Variants in RIF1 observed in about 807,000 individuals in gnomAD.
RIF1 encodes telomere-associated protein RIF1.
RIF1 carries 45 observed loss-of-function variants against 247.1 expected under a neutral mutation model. The observed-to-expected ratio is 0.18, with a 90% CI of 0.14 to 0.23. RIF1 has a LOEUF of 0.23. RIF1 is among the 10% of genes least tolerant of loss of function. The probability of loss-of-function intolerance (pLI) is 1.00; values close to 1 mark genes in which losing one functional copy is unlikely to be tolerated. For missense variants in RIF1, 2,967 were observed against 2,862.5 expected (o/e 1.04, Z -0.83); for synonymous variants, 1,087 against 978.8 (o/e 1.11, Z -2.06).
chr2:151,521,053 C>T, the RIF1 span, among the ~76,000 whole-genome samples: 4 of 152,080 alleles, frequency 2.6e-5, no homozygotes, highest in Non-Finnish European at 5.9e-5. Flanking sequence ...TGTTAGCCAA[C>T]CAAAAGGGCA....
At chr2:151,492,198 C>T in intron 9 of RIF1, 1 of 1,613,876 alleles carries the variant, frequency 6.2e-7, no homozygotes, top group African/African-American at 1.3e-5. Flanking sequence ...CCTGCATGTT[C>T]TTCTTTACTC....
At chr2:151,517,404 ATAGT>A in the RIF1 span, among the ~76,000 whole-genome samples, 28 of 152,250 alleles carry the variant, frequency 1.8e-4, no homozygotes, top group African/African-American at 3.4e-4. Flanking sequence ...GACGTTTCTA[ATAGT>A]TAGTCCTCAT....
chr2:151,474,870 T>C lies in RIF1; in HGVS notation c.7218T>C (p.Pro2406=), dbSNP rs755144365. 21 of 1,545,786 alleles carry C rather than the reference T, an allele frequency of 1.4e-5. No individual in the cohort carries two copies. In the Admixed American group the frequency reaches 2.4e-4, roughly 17 times the overall value. ...EERLVSDIID[P]VALEIPLSKN... Reference sequence around the variant, plus strand: ...TTTCTCTTTTAGATATAATTGATCCTGTTGCTTTAGAAATTCCATTATCCA... The same window carrying C: ...TTTCTCTTTTAGATATAATTGATCCCGTTGCTTTAGAAATTCCATTATCCA... The change falls in exon 36 of 36, where the codon CCT becomes CCC. Residue 2406 remains proline (P), a synonymous_variant. Transcript: ENST00000444746.
At position 151,469,966 on chromosome 2, in the gene RIF1, T is replaced by C. The variant is rs1004586724; in HGVS notation, c.7095+102T>C. 11 of 794,638 alleles carry C rather than the reference T, an allele frequency of 1.4e-5. No homozygotes were observed. In the African/African-American group the frequency reaches 1.9e-4, roughly 14 times the overall value. The allele number at this position is 794,638 out of a possible 1,614,324, so 49.2% of individuals were successfully genotyped here. A position where few individuals can be genotyped will look rare whatever the true frequency, so the allele number is the denominator to read the frequency against. On this transcript the variant is annotated intron_variant, in intron 34 of 35. Coordinates refer to ENST00000444746, the MANE Select transcript of RIF1 (RefSeq NM_018151.5). ...TCACTTCATAATGGCACAGGGAAAT[T>C]GATTCATTTATTTTGTACTGTCTTT...
chr2:151,473,759 C>G (rs556646566), intron 34 of RIF1, among the ~76,000 whole-genome samples: 151 of 152,228 alleles, frequency 9.9e-4, no homozygotes, highest in Middle Eastern at 6.8e-3. Context: ...CTAACCCTCT[C>G]TTTGAGGAAA....
chr2:151,415,013 T>A, intron 4 of RIF1, 94 bp downstream of exon 4: 1 of 766,740 alleles, frequency 1.3e-6, no homozygotes, highest in Admixed American at 2.7e-5. Context: ...CTGTTATGTC[T>A]GGATTAGTTT....
intron 21 of RIF1, 41 bp downstream of exon 21, chr2:151,451,746 A>T (rs1229531596): frequency 9.5e-7 from 1 of 1,058,178 alleles, no homozygotes. Flanking sequence ...CCAGTATTTC[A>T]TAAGCAGTAC....
At chr2:151,497,503 T>C in intron 10 of RIF1, 1 of 1,490,492 alleles carries the variant, frequency 6.7e-7, no homozygotes, top group Non-Finnish European at 8.9e-7. Context: ...AGGATAAATT[T>C]GCTAAAGAAA....
intron 16 of RIF1, among the ~76,000 whole-genome samples, chr2:151,442,668 A>G (rs929750511): frequency 7.2e-5 from 11 of 151,990 alleles, no homozygotes; most frequent in African/African-American, 2.4e-4. Flanking sequence ...TTGGGATTCC[A>G]GTAAGTTTTA....
At chr2:151,448,296 A>G (rs559395131) in intron 20 of RIF1, among the ~76,000 whole-genome samples, 98 of 152,278 alleles carry the variant, frequency 6.4e-4, no homozygotes, top group Non-Finnish European at 1.2e-3. Flanking sequence ...AGCCCACCTC[A>G]GCCTTCCAAA....
chr2:151,490,392 C>G (rs1181657404), intron 9 of RIF1: 5 of 1,591,746 alleles, frequency 3.1e-6, no homozygotes, highest in Non-Finnish European at 3.4e-6. Context: ...TGCAAAGACA[C>G]CCCCGTCGCT....
chr2:151,514,409 A>C, the RIF1 span: 1 of 1,612,366 alleles, frequency 6.2e-7, no homozygotes, highest in East Asian at 2.2e-5. Context: ...GCTTTCCTCT[A>C]GATCTTTCCT....
intron 34 of RIF1, among the ~76,000 whole-genome samples, chr2:151,471,546 A>G (rs1490527330): frequency 6.6e-6 from 1 of 152,180 alleles, no homozygotes; most frequent in Non-Finnish European, 1.5e-5. Context: ...TAATTTTTGT[A>G]TAAGGTGTAA....
Position 151,443,545 on chromosome 2 carries a change from G to A in RIF1, c.1822G>A (p.Glu608Lys). 6.3e-7 allele frequency: 1 copy of A among 1,576,034 alleles called. No homozygotes were observed. Among genetic ancestry groups the A allele is most frequent in the Non-Finnish European group, 8.6e-7 (1 of 1,168,108 alleles). The change falls in exon 18 of 36, where the codon GAA becomes AAA. Residue 608 changes from glutamate to lysine, a missense_variant. Physicochemically the swap from Glu to Lys is moderately conservative, Grantham distance 56. Coordinates refer to ENST00000444746, the MANE Select transcript of RIF1 (RefSeq NM_018151.5). ...TTTGTTCAGGTTCTTTCTCAGTTTGGAATCACTTGTAGGCTGTGTTCTTTC... is the reference window on the plus strand; with the variant it reads ...TTTGTTCAGGTTCTTTCTCAGTTTGAAATCACTTGTAGGCTGTGTTCTTTC... ...VSDERFFLSL[E>K]SLVGCVLSGP... is the part of the protein sequence containing the mutation.
intron 9 of RIF1, among the ~76,000 whole-genome samples, chr2:151,488,876 A>G (rs1451872165): frequency 1.3e-5 from 2 of 152,002 alleles, no homozygotes; most frequent in African/African-American, 4.8e-5. Flanking sequence ...CTATTTTTGT[A>G]TCTATTGCCA....
At chr2:151,487,245 A>T (rs2051466218) in intron 9 of RIF1, among the ~76,000 whole-genome samples, 1 of 152,222 alleles carries the variant, frequency 6.6e-6, no homozygotes, top group Admixed American at 6.5e-5. Flanking sequence ...AGTTTCTCAA[A>T]GCTATCCTCC....
intron 11 of RIF1, among the ~76,000 whole-genome samples, chr2:151,501,882 G>GTT (rs2064904427): frequency 6.6e-6 from 1 of 152,190 alleles, no homozygotes; most frequent in East Asian, 1.9e-4. Context: ...AAGAATAAAT[G>GTT]TTGAAAGCTA....
At chr2:151,523,501 A>T in the RIF1 span, among the ~76,000 whole-genome samples, 1 of 152,234 alleles carries the variant, frequency 6.6e-6, no homozygotes, top group African/African-American at 2.4e-5. Context: ...AGAAGGTAGG[A>T]TCTGTAAATT....
rs1290206839 is a variant in RIF1, at chr2:151,437,123, T to C, written c.1373-118T>C. 8.2e-6 allele frequency: 10 copies of C among 1,219,186 alleles called. No homozygotes were observed. In the African/African-American group the frequency reaches 1.4e-4, roughly 17 times the overall value. 75.5% of individuals were successfully genotyped at this position (1,219,186 alleles called of 1,614,324 possible). On this transcript the variant is annotated intron_variant, in intron 12 of 35. Transcript: ENST00000444746. ...ATATTTTACAGTTGTGTATGAAATA[T>C]GAATCTTTTTTTTATAGAAAACACA...
Sources: allele counts gnomAD v4.1 joint callset (sites outside exome capture counted in the v4.1 genomes callset), GRCh38; gene constraint gnomAD v4.1.1; transcripts MANE v1.5; gene names NCBI Gene and HGNC (gene_info 2026-07-23, HGNC 2026-07-21).